Variants in CFAP54 observed in about 807,000 individuals in gnomAD.
The protein encoded by CFAP54 is cilia- and flagella-associated protein 54.
In CFAP54, 290 loss-of-function variants were observed where a neutral mutation model predicts 370.4. That is an observed-to-expected ratio of 0.78 (90% CI 0.71 to 0.86). CFAP54 has a LOEUF of 0.86. Among genes scored for constraint, CFAP54 ranks in the 40% least tolerant of loss-of-function variants. CFAP54 has a pLI of 0.00. For missense variants in CFAP54, 3,399 were observed against 3,528.7 expected (o/e 0.96, Z 0.93); for synonymous variants, 1,206 against 1,236.5 (o/e 0.98, Z 0.52).
At chr12:96,642,359 T>A (rs932797590) in intron 32 of CFAP54, among the ~76,000 whole-genome samples, 2 of 152,302 alleles carry the variant, frequency 1.3e-5, no homozygotes, top group East Asian at 3.9e-4. Flanking sequence ...GGGCTACTGA[T>A]GTGGCTTTGC....
Position 96,659,357 on chromosome 12 carries a change from C to T in CFAP54, c.5460+1011C>T, listed in dbSNP as rs548978507. 1.4e-4 allele frequency among the ~76,000 whole-genome samples: 21 copies of T among 152,270 alleles called. No individual in the cohort carries two copies. The South Asian group carries it at 3.3e-3, about 24-fold the overall frequency. On this transcript the variant is annotated intron_variant, in intron 38 of 67. Coordinates refer to ENST00000524981, the MANE Select transcript of CFAP54 (RefSeq NM_001306084.2). ...CCATGTTGGCCAGGCTGGTCTCAAACTGCTGACCTCAAGTGATCCTCCCAC... is the reference window on the plus strand; with the variant it reads ...CCATGTTGGCCAGGCTGGTCTCAAATTGCTGACCTCAAGTGATCCTCCCAC...
rs55839375 is a variant in CFAP54, at chr12:96,664,622, A to ATGTGTGTGTGTG, written c.5563+714_5563+725dup. On this transcript the variant is annotated intron_variant, in intron 39 of 67. Transcript: ENST00000524981. Reference sequence around the variant, plus strand: ...TCCAGCTGTGCCTTACCAAGAACGTATGTGTGTGTGTGTGTGTGTGTGTGT... The same window carrying ATGTGTGTGTGTG: ...TCCAGCTGTGCCTTACCAAGAACGTATGTGTGTGTGTGTGTGTGTGTGTGTGTGTGTGTGTGT... Among the ~76,000 whole-genome samples the ATGTGTGTGTGTG allele has an allele frequency of 3.7e-3, 432 of 115,222 alleles. 3 individuals carry two copies. The highest frequency in any genetic ancestry group is 0.015 in the African/African-American group (412 of 28,222). 75.6% of individuals were successfully genotyped at this position (115,222 alleles called of 152,430 possible). A position where few individuals can be genotyped will look rare whatever the true frequency, so the allele number is the denominator to read the frequency against.
intron 5 of CFAP54, among the ~76,000 whole-genome samples, chr12:96,517,001 G>GTT (rs35848079): frequency 8.4e-4 from 117 of 138,758 alleles, no homozygotes; most frequent in African/African-American, 2.8e-3. Context: ...ACTTTTTAAA[G>GTT]TTTTTTTTTT....
chr12:96,507,570 CAT>C (rs1175995586), intron 4 of CFAP54, among the ~76,000 whole-genome samples: 22 of 150,778 alleles, frequency 1.5e-4, no homozygotes, highest in African/African-American at 2.5e-4. Context: ...TACACACACA[CAT>C]ATGTACATTA....
chr12:96,865,676 A>G (rs560288268), intron 67 of CFAP54, among the ~76,000 whole-genome samples: 1 of 152,122 alleles, frequency 6.6e-6, no homozygotes, highest in Non-Finnish European at 1.5e-5. Context: ...TCATAAATTA[A>G]AAACACATCG....
intron 50 of CFAP54, among the ~76,000 whole-genome samples, chr12:96,733,462 A>G (rs1169372167): frequency 6.6e-6 from 1 of 152,108 alleles, no homozygotes; most frequent in Non-Finnish European, 1.5e-5. Context: ...CATGAATGCT[A>G]ATAAGAAATA....
rs1959112272 is a variant in CFAP54 at position 96,826,721 on chromosome 12, G to T, written c.9097-2293G>T. On this transcript the variant is annotated intron_variant, in intron 65 of 67. Transcript: ENST00000524981. Reference sequence around the variant, plus strand: ...ATAATATATAAATTAATATACAACAGAATATATTATATAATATATAATTCT... The same window carrying T: ...ATAATATATAAATTAATATACAACATAATATATTATATAATATATAATTCT... 4.9e-5 allele frequency among the ~76,000 whole-genome samples: 5 copies of T among 103,060 alleles called. No homozygotes were observed. In the Admixed American group the frequency reaches 6.5e-4, roughly 13 times the overall value. 67.6% of individuals were successfully genotyped at this position (103,060 alleles called of 152,430 possible).
chr12:96,604,088 G>T (rs1956274573), intron 26 of CFAP54, among the ~76,000 whole-genome samples: 1 of 152,126 alleles, frequency 6.6e-6, no homozygotes, highest in African/African-American at 2.4e-5. Context: ...CCATCTTTGT[G>T]GTTTTATCTA....
chr12:96,642,262 G>T (rs944546179), intron 32 of CFAP54, among the ~76,000 whole-genome samples: 3 of 151,974 alleles, frequency 2.0e-5, no homozygotes, highest in African/African-American at 7.3e-5. Flanking sequence ...ACCACAAGAT[G>T]TTCATCTTGT....
intron 55 of CFAP54, among the ~76,000 whole-genome samples, chr12:96,749,734 C>T (rs1958161788): frequency 6.6e-6 from 1 of 152,146 alleles, no homozygotes; most frequent in East Asian, 1.9e-4. Context: ...CATGCTCTTA[C>T]TTTTTTGATT....
chr12:96,580,849 C>G (rs1956026294), intron 21 of CFAP54, 71 bp from the exon 22 acceptor site: 2 of 1,218,984 alleles, frequency 1.6e-6, no homozygotes, highest in African/African-American at 3.1e-5. Flanking sequence ...AGAAGGTTTA[C>G]TTAATTGTAT....
chr12:96,743,526 G>A lies in CFAP54; in HGVS notation c.7344G>A (p.Lys2448=), dbSNP rs771650947. 2.6e-5 allele frequency: 42 copies of A among 1,613,908 alleles called. No homozygotes were observed. The highest frequency in any genetic ancestry group is 3.3e-4 in the Middle Eastern group (2 of 6,084). ...TQAVILGLQE[K]HLKADIMTNL... ...CTGTAATTCTTGGCCTACAAGAAAA[G>A]CATTTAAAGGCAGACATCATGACAA... The change falls in exon 53 of 68, where the codon AAG becomes AAA. Residue 2448 remains lysine, a synonymous_variant. Coordinates refer to ENST00000524981, the MANE Select transcript of CFAP54 (RefSeq NM_001306084.2).
chr12:96,838,829 T>C (rs1276918488), intron 66 of CFAP54, among the ~76,000 whole-genome samples: 2 of 152,234 alleles, frequency 1.3e-5, no homozygotes, highest in Non-Finnish European at 2.9e-5. Flanking sequence ...AAGACAATGG[T>C]TTTGTGTTTA....
At chr12:96,693,476 G>C (rs1289491420) in intron 44 of CFAP54, among the ~76,000 whole-genome samples, 1 of 152,154 alleles carries the variant, frequency 6.6e-6, no homozygotes, top group Non-Finnish European at 1.5e-5. Flanking sequence ...GTGCAACCTA[G>C]GTTTGGGGTA....
intron 36 of CFAP54, among the ~76,000 whole-genome samples, chr12:96,653,070 G>A (rs1446614474): frequency 6.6e-6 from 1 of 152,208 alleles, no homozygotes; most frequent in Non-Finnish European, 1.5e-5. Context: ...TGATTCCACA[G>A]GGAGAGGGCA....
chr12:96,778,021 A>C (rs976927301), intron 60 of CFAP54, among the ~76,000 whole-genome samples: 4 of 152,262 alleles, frequency 2.6e-5, no homozygotes, highest in African/African-American at 9.6e-5. Context: ...TTTAAAAATA[A>C]AAACAAAAGG....
At chr12:96,625,644 T>C in intron 28 of CFAP54, 74 bp from the exon 29 acceptor site, 1 of 834,998 alleles carries the variant, frequency 1.2e-6, no homozygotes, top group Non-Finnish European at 1.8e-6. Flanking sequence ...AGAATTGTTA[T>C]TGTGAATTAC....
chr12:96,680,910 C>T (rs2136549259), intron 40 of CFAP54, among the ~76,000 whole-genome samples: 1 of 152,194 alleles, frequency 6.6e-6, no homozygotes, highest in African/African-American at 2.4e-5. Context: ...ATAGTGAAAC[C>T]CTGTCTCTAC....
chr12:96,798,884 T>C lies in CFAP54; in HGVS notation c.8850+6385T>C, dbSNP rs17025943. Among the ~76,000 whole-genome samples the C allele has an allele frequency of 9.5e-3, 1,453 of 152,314 alleles. 57 individuals are homozygous for C. The East Asian group carries it at 0.1, about 11-fold the overall frequency. ...TATCTCCTTATAGATACTTTAGCTT[T>C]CAACATTCTGCAGAAAAGAGAGTAA... On this transcript the variant is annotated intron_variant, in intron 63 of 67. Coordinates refer to ENST00000524981, the MANE Select transcript of CFAP54 (RefSeq NM_001306084.2).
Sources: gnomAD v4.1 joint callset for allele counts (sites outside exome capture counted in the v4.1 genomes callset) on GRCh38, gnomAD v4.1.1 for gene constraint, MANE v1.5 for transcripts, NCBI Gene and HGNC (gene_info 2026-07-23, HGNC 2026-07-21) for gene names.